Variants in CAPZB observed in about 807,000 individuals in gnomAD.
CAPZB encodes the protein F-actin-capping protein subunit beta.
Under a neutral mutation model 38.1 loss-of-function variants are expected in CAPZB, and 2 were observed. The observed-to-expected ratio is 0.05, with a 90% CI of 0.02 to 0.17. The LOEUF (loss-of-function observed/expected upper bound fraction) is 0.17, where lower values mean the gene tolerates loss of function less well. Among genes scored for constraint, CAPZB ranks in the 10% least tolerant of loss-of-function variants. The pLI is 1.00. For synonymous variants in CAPZB, 107 were observed against 127.4 expected, an observed-to-expected ratio of 0.84 and a Z score of 1.08; for missense variants, 161 against 334.2, an observed-to-expected ratio of 0.48 and a Z score of 4.04.
In CAPZB at chr1:19,423,519, T is replaced by C. The variant is rs77693396; in HGVS notation, c.4-3769A>G. ...ATAACAAGCAATAGTGAACATTCTT[T>C]TTTTTTTTTTTTTTTTTTTTTTAAA... On this transcript the variant is annotated intron_variant, in intron 1 of 8. Coordinates refer to ENST00000264202, the MANE Select transcript of CAPZB (RefSeq NM_004930.5). Among the ~76,000 whole-genome samples, 8 of 62,676 alleles carry C rather than the reference T, an allele frequency of 1.3e-4. 1 individual carries two copies. The highest frequency in any genetic ancestry group is 1.1e-3 in the Admixed American group (7 of 6,306). The allele number at this position is 62,676 out of a possible 152,430, so 41.1% of individuals were successfully genotyped here. A position where few individuals can be genotyped will look rare whatever the true frequency, so the allele number is the denominator to read the frequency against.
chr1:19,377,685 A>G (rs2100418598), intron 4 of CAPZB, among the ~76,000 whole-genome samples: 1 of 152,324 alleles, frequency 6.6e-6, no homozygotes, highest in East Asian at 1.9e-4. Context: ...AGTATTGCCT[A>G]TTTTACAGTT....
intron 2 of CAPZB, among the ~76,000 whole-genome samples, chr1:19,386,086 T>C (rs1383036026): frequency 6.6e-6 from 1 of 152,238 alleles, no homozygotes; most frequent in African/African-American, 2.4e-5. Flanking sequence ...GAGTCTCCAG[T>C]ACTTTCCAGG....
chr1:19,404,106 A>C (rs964748697), intron 2 of CAPZB, among the ~76,000 whole-genome samples: 18 of 151,820 alleles, frequency 1.2e-4, no homozygotes, highest in Non-Finnish European at 2.5e-4. Flanking sequence ...AGTGGTACAC[A>C]CCTGTAGTCC....
intron 1 of CAPZB, among the ~76,000 whole-genome samples, chr1:19,447,097 CAGG>C (rs1038059359): frequency 6.6e-6 from 1 of 152,158 alleles, no homozygotes; most frequent in Admixed American, 6.5e-5. Flanking sequence ...TGGTGGCCCC[CAGG>C]AGGTGTGCCC....
intron 8 of CAPZB, chr1:19,342,977 G>C (rs184373507): frequency 5.5e-6 from 4 of 723,844 alleles, no homozygotes; most frequent in East Asian, 2.6e-5. Context: ...GAGGCGGAAG[G>C]GGGGATGCCG....
chr1:19,401,491 G>C (rs1286577173), intron 2 of CAPZB, among the ~76,000 whole-genome samples: 4 of 151,908 alleles, frequency 2.6e-5, no homozygotes, highest in Non-Finnish European at 5.9e-5. Context: ...ACTCTTGCTG[G>C]GAATGAAGCA....
intron 1 of CAPZB, among the ~76,000 whole-genome samples, chr1:19,460,433 C>T (rs998615161): frequency 2.0e-5 from 3 of 152,112 alleles, no homozygotes; most frequent in Admixed American, 6.5e-5. Context: ...CCCGCCACCG[C>T]GCCCGGCTAA....
At chr1:19,341,044 T>C (rs573447889) in intron 8 of CAPZB, among the ~76,000 whole-genome samples, 2 of 152,300 alleles carry the variant, frequency 1.3e-5, no homozygotes, top group South Asian at 4.1e-4. Context: ...GACTGAGTTC[T>C]GGCTACCGAA....
intron 1 of CAPZB, among the ~76,000 whole-genome samples, chr1:19,443,219 C>G (rs1460118891): frequency 1.9e-4 from 28 of 144,482 alleles, no homozygotes; most frequent in Admixed American, 7.1e-5. Context: ...GAGATCCCAT[C>G]TCTACAAAAA....
chr1:19,442,349 G>T (rs988645894), intron 1 of CAPZB, among the ~76,000 whole-genome samples: 11 of 152,022 alleles, frequency 7.2e-5, no homozygotes, highest in Admixed American at 6.6e-5. Flanking sequence ...GGAGTGGGGG[G>T]GCGTGGAGTG....
chr1:19,420,378 G>C (rs2094396594), intron 1 of CAPZB, among the ~76,000 whole-genome samples: 1 of 152,156 alleles, frequency 6.6e-6, no homozygotes, highest in Non-Finnish European at 1.5e-5. Flanking sequence ...GGACTGGAAA[G>C]ACAACCATTA....
At chr1:19,354,344 G>A (rs1338425648) in intron 6 of CAPZB, among the ~76,000 whole-genome samples, 2 of 152,134 alleles carry the variant, frequency 1.3e-5, no homozygotes, top group South Asian at 2.1e-4. Flanking sequence ...TCTGGGACCC[G>A]TAGCCAAGCT....
chr1:19,476,164 A>G (rs1413176614), intron 1 of CAPZB, among the ~76,000 whole-genome samples: 1 of 145,772 alleles, frequency 6.9e-6, no homozygotes, highest in Non-Finnish European at 1.5e-5. Context: ...TCTCTAAAAA[A>G]TAAGTAGATA....
intron 8 of CAPZB, among the ~76,000 whole-genome samples, chr1:19,342,430 A>G (rs2093934873): frequency 6.6e-6 from 1 of 152,250 alleles, no homozygotes; most frequent in Non-Finnish European, 1.5e-5. Context: ...GGGGACAGTC[A>G]GGCCGGTGCA....
chr1:19,362,556 CG>C (rs2094059135), intron 4 of CAPZB, among the ~76,000 whole-genome samples: 1 of 152,078 alleles, frequency 6.6e-6, no homozygotes, highest in Non-Finnish European at 1.5e-5. Flanking sequence ...TAGGACCAGG[CG>C]CAGTGGCTCA....
At chr1:19,479,627 T>C (rs1019026005) in intron 1 of CAPZB, among the ~76,000 whole-genome samples, 1 of 152,198 alleles carries the variant, frequency 6.6e-6, no homozygotes. Context: ...CACCCACAGC[T>C]GCACAGTGGC....
chr1:19,405,884 C>T (rs963911922), intron 2 of CAPZB, among the ~76,000 whole-genome samples: 2 of 152,202 alleles, frequency 1.3e-5, no homozygotes, highest in Non-Finnish European at 2.9e-5. Flanking sequence ...CCCATTAGGA[C>T]CCGAGAGTCT....
rs576716634 is a variant in CAPZB, at chr1:19,396,069, T to C, written c.94-10443A>G. Among the ~76,000 whole-genome samples, 287 of 152,338 alleles carry C rather than the reference T, an allele frequency of 1.9e-3. No individual in the cohort carries two copies. The Middle Eastern group carries it at 0.044, about 23-fold the overall frequency. On this transcript the variant is annotated intron_variant, in intron 2 of 8. Transcript: ENST00000264202. ...ATTCGGCCACGCCTGCCTCTTCCAC[T>C]GCAACCTCCCAAAGCCGCGACGGCA... is the stretch of plus-strand genomic sequence containing the variant.
At chr1:19,403,991 G>C (rs1228813454) in intron 2 of CAPZB, among the ~76,000 whole-genome samples, 1 of 152,178 alleles carries the variant, frequency 6.6e-6, no homozygotes, top group African/African-American at 2.4e-5. Flanking sequence ...GGTAACAGTA[G>C]TAGGCCGGGC....
Sources: allele counts gnomAD v4.1 joint callset (sites outside exome capture counted in the v4.1 genomes callset), GRCh38; gene constraint gnomAD v4.1.1; transcripts MANE v1.5; gene names NCBI Gene and HGNC (gene_info 2026-07-23, HGNC 2026-07-21).